The following PCDHGA9 variants were observed in gnomAD, a reference collection of about 807,000 sequenced individuals.
The protein encoded by PCDHGA9 is protocadherin gamma subfamily A, 9.
In PCDHGA9, 37 loss-of-function variants were observed where a neutral mutation model predicts 62.5. That is an observed-to-expected ratio of 0.59 (90% CI 0.46 to 0.78). The LOEUF is 0.78. Among genes scored for constraint, PCDHGA9 ranks in the 30% least tolerant of loss-of-function variants. The pLI is 0.00. For missense variants in PCDHGA9, 1,138 were observed against 1,166.2 expected (o/e 0.98, Z 0.35); for synonymous variants, 459 against 484.6 (o/e 0.95, Z 0.69).
At chr5:141,467,099 C>T (rs2099136810) in intron 1 of PCDHGA9, among the ~76,000 whole-genome samples, 1 of 149,976 alleles carries the variant, frequency 6.7e-6, no homozygotes, top group Admixed American at 6.7e-5. Context: ...GTCACACAGG[C>T]TGGAGTACAA....
chr5:141,435,807 T>A (rs2097781241), intron 1 of PCDHGA9, among the ~76,000 whole-genome samples: 1 of 152,040 alleles, frequency 6.6e-6, no homozygotes, highest in South Asian at 2.1e-4. Context: ...CCCAATTATT[T>A]TTTCTTTCTT....
Position 141,415,510 on chromosome 5 carries a change from T to C in PCDHGA9, c.2424+10134T>C, listed in dbSNP as rs780820182. On this transcript the variant is annotated intron_variant, in intron 1 of 3. Coordinates refer to ENST00000573521, the MANE Select transcript of PCDHGA9 (RefSeq NM_018921.3). ...TCACCTGATCTTCCCCCAGCCCAAT[T>C]ATGCGGACACGCTCATCAGCCAGGA... The C allele has an allele frequency of 2.5e-6, 4 of 1,614,088 alleles. No homozygotes were observed. The African/African-American group carries it at 5.3e-5, about 22-fold the overall frequency.
intron 1 of PCDHGA9, 138 bp from the exon 2 acceptor site, chr5:141,494,669 T>A: frequency 6.5e-7 from 1 of 1,527,472 alleles, no homozygotes; most frequent in South Asian, 1.2e-5. Context: ...TGGAGATGAG[T>A]CCACCCCTGC....
intron 1 of PCDHGA9, among the ~76,000 whole-genome samples, chr5:141,450,008 T>A (rs78952430): frequency 4.8e-4 from 18 of 37,340 alleles, no homozygotes; most frequent in African/African-American, 6.8e-4. Context: ...CCATGTCTCT[T>A]TTTTTTTTTT....
chr5:141,453,101 T>TTTTTGTTTTG (rs879618609), intron 1 of PCDHGA9, among the ~76,000 whole-genome samples: 1 of 152,012 alleles, frequency 6.6e-6, no homozygotes, highest in Non-Finnish European at 1.5e-5. Flanking sequence ...TTCTGTTGCT[T>TTTTTGTTTTG]TTTTGTTTTG....
Position 141,485,844 on chromosome 5 carries a change from G to A in PCDHGA9, c.2425-8963G>A, listed in dbSNP as rs201857404. On this transcript the variant is annotated intron_variant, in intron 1 of 3. Transcript: ENST00000573521. The surrounding 1 kb of genome is among the most constrained non-coding windows in gnomAD (Gnocchi z 5.7). ...GATGGAGGGAACCCGCCGAGATCTGGCACCGCAGAGCTCCGGGTATCCGTG... is the reference window on the plus strand; with the variant it reads ...GATGGAGGGAACCCGCCGAGATCTGACACCGCAGAGCTCCGGGTATCCGTG... 6 of 1,613,890 alleles carry A rather than the reference G, an allele frequency of 3.7e-6. No homozygotes were observed. In the East Asian group the frequency reaches 1.1e-4, roughly 30 times the overall value.
chr5:141,495,412 G>A lies in PCDHGA9; in HGVS notation c.2483+547G>A, dbSNP rs188302135. 2.2e-4 allele frequency among the ~76,000 whole-genome samples: 33 copies of A among 152,284 alleles called. No homozygotes were observed. The East Asian group carries it at 6.4e-3, about 29-fold the overall frequency. ...GGCATGGAGCAGGCCCCCTTCTCCG[G>A]CCCCTCCTCCCACTGTCCTCTGCCC... On this transcript the variant is annotated intron_variant, in intron 2 of 3. Coordinates refer to ENST00000573521, the MANE Select transcript of PCDHGA9 (RefSeq NM_018921.3).
intron 2 of PCDHGA9, among the ~76,000 whole-genome samples, chr5:141,503,568 C>T (rs1357099545): frequency 6.9e-6 from 1 of 144,390 alleles, no homozygotes; most frequent in Non-Finnish European, 1.5e-5. Context: ...CACTGTACTC[C>T]AGCCTGGGTG....
chr5:141,403,454 C>T lies in PCDHGA9; in HGVS notation c.502C>T (p.Gln168Ter). Residue 168 changes from glutamine to a stop codon, truncating the protein, a stop_gained, in exon 1 of 4, where the codon CAG becomes TAG. Transcript: ENST00000573521. LOFTEE classifies it high-confidence loss of function. Reference sequence around the variant, plus strand: ...TCCGGATGTTGGCGTGAACTCCCTCCAGAGCTACCAGCTCAGCCCCAATCA... The same window carrying T: ...TCCGGATGTTGGCGTGAACTCCCTCTAGAGCTACCAGCTCAGCCCCAATCA... Reference protein sequence around the residue: ...IDPDVGVNSLQSYQLSPNHHF... With the variant: ...IDPDVGVNSL The T allele has an allele frequency of 6.2e-7, 1 of 1,614,054 alleles. No homozygotes were observed. The highest frequency in any genetic ancestry group is 8.5e-7 in the Non-Finnish European group (1 of 1,179,902).
At position 141,476,294 on chromosome 5, in the gene PCDHGA9, A is replaced by T. The variant is rs376905832; in HGVS notation, c.2425-18513A>T. On this transcript the variant is annotated intron_variant, in intron 1 of 3. Coordinates refer to ENST00000573521, the MANE Select transcript of PCDHGA9 (RefSeq NM_018921.3). The surrounding 1 kb of genome is among the most constrained non-coding windows in gnomAD (Gnocchi z 7.6). ...CGCGAACCTTGGTTTGGATCTCGGT[A>T]GCCTCTCAGCCCGCAGGTTCCGGGT... is the stretch of plus-strand genomic sequence containing the variant. 2 of 1,613,036 alleles carry T rather than the reference A, an allele frequency of 1.2e-6. No homozygotes were observed. The highest frequency in any genetic ancestry group is 1.7e-6 in the Non-Finnish European group (2 of 1,179,642).
intron 2 of PCDHGA9, among the ~76,000 whole-genome samples, chr5:141,496,856 G>A (rs1324235700): frequency 6.7e-6 from 1 of 150,206 alleles, no homozygotes; most frequent in African/African-American, 2.5e-5. Context: ...CAGACCAGCA[G>A]AGGAGACTGA....
chr5:141,408,561 T>C lies in PCDHGA9; in HGVS notation c.2424+3185T>C. On this transcript the variant is annotated intron_variant, in intron 1 of 3. Coordinates refer to ENST00000573521, the MANE Select transcript of PCDHGA9 (RefSeq NM_018921.3). ...AATCCTTTAAATATTTTTCATGTCA[T>C]TGTGGTGATTGAGGATGTTAATGAC... 6.2e-7 allele frequency: 1 copy of C among 1,613,994 alleles called. No homozygotes were observed.
intron 3 of PCDHGA9, chr5:141,507,213 G>C (rs1016967764): frequency 6.6e-6 from 1 of 152,558 alleles, no homozygotes; most frequent in African/African-American, 2.4e-5. Context: ...AGGGTTGCCA[G>C]ATAAAATACA....
At chr5:141,458,319 T>C (rs2879229) in intron 1 of PCDHGA9, among the ~76,000 whole-genome samples, 84,591 of 151,864 alleles carry the variant, frequency 0.56, 26,265 homozygotes, top group African/African-American at 0.85. Flanking sequence ...CACAGACACA[T>C]GTGGAGTGGT....
intron 2 of PCDHGA9, among the ~76,000 whole-genome samples, chr5:141,498,421 A>C (rs1328848787): frequency 6.6e-6 from 1 of 152,016 alleles, no homozygotes; most frequent in Non-Finnish European, 1.5e-5. Flanking sequence ...CTGGCACTGG[A>C]GTGAGGGGAT....
chr5:141,403,560 A>G lies in PCDHGA9; in HGVS notation c.608A>G (p.Glu203Gly). The change falls in exon 1 of 4, where the codon GAG becomes GGG. Residue 203 changes from glutamate (E) to glycine (G), a missense_variant. By Grantham distance (98) the Glu-to-Gly change is moderately conservative. Transcript: ENST00000573521. The part of the protein sequence containing the change: ...ELVLERALDR[E>G]EATAHHLVLT... ...GTGCTGGAGCGCGCCCTGGACAGGG[A>G]GGAGGCAACTGCCCACCACCTGGTC... The G allele has an allele frequency of 6.2e-7, 1 of 1,613,972 alleles. No individual in the cohort carries two copies. The highest frequency in any genetic ancestry group is 8.5e-7 in the Non-Finnish European group (1 of 1,179,898).
At position 141,490,118 on chromosome 5, in the gene PCDHGA9, T is replaced by G. The variant is rs1448768968; in HGVS notation, c.2425-4689T>G. The G allele has an allele frequency of 6.2e-7, 1 of 1,614,158 alleles. No individual in the cohort carries two copies. Among genetic ancestry groups the G allele is most frequent in the Non-Finnish European group, 8.5e-7 (1 of 1,180,048 alleles). On this transcript the variant is annotated intron_variant, in intron 1 of 3. Transcript: ENST00000573521. This position sits in a 1 kb window ranked among gnomAD's most constrained non-coding sequence, Gnocchi z 5.4. ...ACATCTGAGGCAGTGCGGAACCTCT[T>G]TGGCCTAGACCCTAGCAGTGGGGCA...
chr5:141,447,388 T>C (rs1302757515), intron 1 of PCDHGA9, among the ~76,000 whole-genome samples: 3 of 152,166 alleles, frequency 2.0e-5, no homozygotes, highest in African/African-American at 7.2e-5. Flanking sequence ...TCTGCCCACC[T>C]CGGCCTCCCA....
At chr5:141,409,052 A>C in intron 1 of PCDHGA9, 2 of 1,614,050 alleles carry the variant, frequency 1.2e-6, no homozygotes, top group African/African-American at 1.3e-5. Context: ...CTTCCGAAGC[A>C]CTGCCCAGAG....
Sources: allele counts gnomAD v4.1 joint callset (sites outside exome capture counted in the v4.1 genomes callset), GRCh38; gene constraint gnomAD v4.1.1; non-coding constraint Gnocchi (gnomAD v3.1); transcripts MANE v1.5; gene names NCBI Gene and HGNC (gene_info 2026-07-23, HGNC 2026-07-21).